ZFAT: variants seen among roughly 807,000 people sequenced by gnomAD.
The protein encoded by ZFAT is zinc finger and AT-hook domain containing.
Under a neutral mutation model 117.7 loss-of-function variants are expected in ZFAT, and 64 were observed. The ratio of observed to expected loss-of-function variants is 0.54; its 90% CI spans 0.44 to 0.67. The LOEUF (loss-of-function observed/expected upper bound fraction) is 0.67, where lower values mean the gene tolerates loss of function less well. Among genes scored for constraint, ZFAT ranks in the 30% least tolerant of loss-of-function variants. ZFAT has a pLI of 0.00. For missense variants in ZFAT, 1,433 were observed against 1,584.5 expected (o/e 0.90, Z 1.62); for synonymous variants, 679 against 615.0 (o/e 1.10, Z -1.54).
intron 3 of ZFAT, among the ~76,000 whole-genome samples, chr8:134,624,299 T>C (rs983251133): frequency 3.9e-5 from 6 of 152,216 alleles, no homozygotes; most frequent in African/African-American, 1.2e-4. Context: ...GTAAGTTCCT[T>C]TTACCTCAAA....
intron 15 of ZFAT, among the ~76,000 whole-genome samples, chr8:134,488,853 G>A (rs955334327): frequency 2.0e-5 from 3 of 152,074 alleles, no homozygotes; most frequent in African/African-American, 4.8e-5. Context: ...ATGGGAGGAG[G>A]TGTAAAGAGA....
chr8:134,544,132 C>G (rs1336751914), intron 11 of ZFAT, among the ~76,000 whole-genome samples: 1 of 152,134 alleles, frequency 6.6e-6, no homozygotes, highest in Non-Finnish European at 1.5e-5. Flanking sequence ...GTTGTAAGTT[C>G]TTCTTCTCAT....
At chr8:134,825,291 C>A in the ZFAT span, among the ~76,000 whole-genome samples, 3 of 152,166 alleles carry the variant, frequency 2.0e-5, no homozygotes, top group African/African-American at 7.2e-5. Flanking sequence ...TGTTTTAGAA[C>A]GAAACAATTA....
the ZFAT span, among the ~76,000 whole-genome samples, chr8:134,808,956 T>C: frequency 1.5e-4 from 23 of 152,358 alleles, no homozygotes; most frequent in Middle Eastern, 3.4e-3. Flanking sequence ...TGTGAAGGAT[T>C]TGACAGCTAG....
Position 134,601,767 on chromosome 8 carries a change from TG to T in ZFAT, c.1951del (p.Gln651ArgfsTer4). The T allele has an allele frequency of 6.2e-7, 1 of 1,613,854 alleles. No individual in the cohort carries two copies. Among genetic ancestry groups the T allele is most frequent in the Non-Finnish European group, 8.5e-7 (1 of 1,179,906 alleles). ...GTTCTGCCCTTCCCCTAGGGGGCTC[TG>T]GGCGCCATGGCTTTCCTGATCTGAC... The part of the protein sequence containing the change: ...AGSDQESHGA[Q>X]SPLGEGQNMA... On this transcript the variant is annotated frameshift_variant, in exon 6 of 16. Coordinates refer to ENST00000377838, the MANE Select transcript of ZFAT (RefSeq NM_020863.4). LOFTEE classifies it high-confidence loss of function.
intron 2 of ZFAT, among the ~76,000 whole-genome samples, chr8:134,644,854 CTA>C (rs1284631961): frequency 6.6e-6 from 1 of 152,090 alleles, no homozygotes; most frequent in African/African-American, 2.4e-5. Context: ...CACACACCAT[CTA>C]TATACACAAT....
At chr8:134,576,745 T>C (rs147384940) in intron 10 of ZFAT, among the ~76,000 whole-genome samples, 1 of 152,312 alleles carries the variant, frequency 6.6e-6, no homozygotes, top group Non-Finnish European at 1.5e-5. Context: ...TCTCTTATCA[T>C]AAATTGAAGA....
chr8:134,736,823 C>A, the ZFAT span, among the ~76,000 whole-genome samples: 1 of 152,100 alleles, frequency 6.6e-6, no homozygotes, highest in Non-Finnish European at 1.5e-5. Flanking sequence ...TGGGCTCAAC[C>A]AATTCTCCCA....
At chr8:134,698,421 G>T (rs1397029869) in intron 1 of ZFAT, among the ~76,000 whole-genome samples, 1 of 152,156 alleles carries the variant, frequency 6.6e-6, no homozygotes. Flanking sequence ...AGGCAGCGGG[G>T]GAACCTGACA....
rs188923287 is a variant in ZFAT at position 134,497,058 on chromosome 8, G to A, written c.3492+12561C>T. ...AGAGGCAGCTGCTCCCGGATCTTGC[G>A]CCTCCCACAGTCAGCACGGGCGGGG... On this transcript the variant is annotated intron_variant, in intron 15 of 15. Coordinates refer to ENST00000377838, the MANE Select transcript of ZFAT (RefSeq NM_020863.4). Among the ~76,000 whole-genome samples, 668 of 152,330 alleles carry A rather than the reference G, an allele frequency of 4.4e-3. 3 individuals are homozygous for A. Among genetic ancestry groups the A allele is most frequent in the Admixed American group, 6.0e-3 (92 of 15,310 alleles).
chr8:134,556,030 GAGAAGGAAGGAA>G (rs1823579840), intron 11 of ZFAT, among the ~76,000 whole-genome samples: 1 of 62,602 alleles, frequency 1.6e-5, no homozygotes, highest in Non-Finnish European at 3.1e-5. Flanking sequence ...GAGGGAGGGA[GAGAAGGAAGGAA>G]GGAAGGAAGG....
the ZFAT span, among the ~76,000 whole-genome samples, chr8:134,744,727 C>CATTT: frequency 3.9e-4 from 40 of 103,516 alleles, no homozygotes; most frequent in African/African-American, 1.4e-3. Context: ...GCCTACTCTC[C>CATTT]TTTTTTTTTT....
the ZFAT span, among the ~76,000 whole-genome samples, chr8:134,728,226 G>C: frequency 1.3e-5 from 2 of 151,346 alleles, no homozygotes; most frequent in African/African-American, 2.4e-5. Flanking sequence ...GCTATTGGCA[G>C]CCTTCCATGA....
the ZFAT span, among the ~76,000 whole-genome samples, chr8:134,814,362 A>G: frequency 6.6e-6 from 1 of 152,252 alleles, no homozygotes; most frequent in East Asian, 1.9e-4. Flanking sequence ...ACCTCGCTTA[A>G]GAGAAGGAAT....
At chr8:134,783,242 G>C in the ZFAT span, among the ~76,000 whole-genome samples, 1 of 152,064 alleles carries the variant, frequency 6.6e-6, no homozygotes, top group Non-Finnish European at 1.5e-5. Context: ...CGTAAGTCAA[G>C]GGTCCCCATC....
chr8:134,759,970 C>CAAAAAAA, the ZFAT span, among the ~76,000 whole-genome samples: 5 of 53,178 alleles, frequency 9.4e-5, no homozygotes, highest in African/African-American at 1.6e-4. Context: ...GACTCCGTCT[C>CAAAAAAA]AAAAAAAAAA....
intron 11 of ZFAT, among the ~76,000 whole-genome samples, chr8:134,560,246 T>C (rs1419467209): frequency 6.6e-6 from 1 of 152,146 alleles, no homozygotes; most frequent in African/African-American, 2.4e-5. Flanking sequence ...CTCTCTCTCT[T>C]TCCCTCCCTC....
At chr8:134,653,768 A>T (rs994971209) in intron 2 of ZFAT, among the ~76,000 whole-genome samples, 1 of 152,202 alleles carries the variant, frequency 6.6e-6, no homozygotes, top group Admixed American at 6.5e-5. Flanking sequence ...GTCGGTACTG[A>T]AATGAAGAAA....
chr8:134,583,233 C>T lies in ZFAT; in HGVS notation c.2887+599G>A, dbSNP rs1006968486. Among the ~76,000 whole-genome samples the T allele has an allele frequency of 1.2e-4, 19 of 152,262 alleles. No homozygotes were observed. In the East Asian group the frequency reaches 1.7e-3, roughly 14 times the overall value. On this transcript the variant is annotated intron_variant, in intron 10 of 15. Transcript: ENST00000377838. The stretch of plus-strand genomic sequence containing the variant: ...CCTTCTAGATTACGAACTCCTTGAA[C>T]GCAGGAACTTGTCTCTACTTGACCT...
Sources: gnomAD v4.1 joint callset for allele counts (sites outside exome capture counted in the v4.1 genomes callset) on GRCh38, gnomAD v4.1.1 for gene constraint, MANE v1.5 for transcripts, NCBI Gene and HGNC (gene_info 2026-07-23, HGNC 2026-07-21) for gene names.